Variants in NAALADL2 observed in about 807,000 individuals in gnomAD.
The protein encoded by NAALADL2 is inactive N-acetylated-alpha-linked acidic dipeptidase-like protein 2.
NAALADL2 carries 76 observed loss-of-function variants against 87.2 expected under a neutral mutation model. That is an observed-to-expected ratio of 0.87 (90% confidence interval 0.72 to 1.05). The LOEUF (loss-of-function observed/expected upper bound fraction) is 1.05, where lower values mean the gene tolerates loss of function less well. Ranked by LOEUF, NAALADL2 falls within the 50% of genes least tolerant of loss-of-function variation. The pLI, the probability that NAALADL2 is intolerant of heterozygous loss-of-function variation, is 0.00. For missense variants in NAALADL2, 1,089 were observed against 945.8 expected, an observed-to-expected ratio of 1.15 and a Z score of -1.99; for synonymous variants, 354 against 331.0, an observed-to-expected ratio of 1.07 and a Z score of -0.75.
chr3:174,869,469 T>A (rs1727536026), intron 1 of NAALADL2, among the ~76,000 whole-genome samples: 1 of 152,166 alleles, frequency 6.6e-6, no homozygotes, highest in Admixed American at 6.5e-5. Flanking sequence ...AGAGTAACTT[T>A]AAAGAGCAGA....
At chr3:175,274,050 C>T (rs1753235786) in intron 4 of NAALADL2, among the ~76,000 whole-genome samples, 4 of 152,156 alleles carry the variant, frequency 2.6e-5, no homozygotes, top group Middle Eastern at 3.4e-3. Flanking sequence ...AATCTGTTCT[C>T]ATACTGCTAA....
intron 2 of NAALADL2, among the ~76,000 whole-genome samples, chr3:174,593,772 C>G (rs907387640): frequency 1.3e-5 from 2 of 152,080 alleles, no homozygotes; most frequent in African/African-American, 2.4e-5. Context: ...TCACCTGACA[C>G]TTACTTTTCT....
At chr3:175,656,721 A>ATGTGTG (rs373183644) in intron 11 of NAALADL2, among the ~76,000 whole-genome samples, 4 of 148,546 alleles carry the variant, frequency 2.7e-5, no homozygotes, top group East Asian at 2.0e-4. Context: ...GTGTGTGTGT[A>ATGTGTG]TGTGTGTGTG....
intron 1 of NAALADL2, among the ~76,000 whole-genome samples, chr3:174,902,379 C>T (rs1732421486): frequency 6.6e-6 from 1 of 151,942 alleles, no homozygotes; most frequent in Admixed American, 6.6e-5. Context: ...CAGATTCTGG[C>T]TCATTGTAAA....
chr3:175,592,908 A>C (rs1257352332), intron 10 of NAALADL2, among the ~76,000 whole-genome samples: 1 of 152,134 alleles, frequency 6.6e-6, no homozygotes, highest in East Asian at 1.9e-4. Flanking sequence ...AATAAAAAAA[A>C]GAAAAAAAAG....
At chr3:174,498,619 T>G (rs983475295) in intron 1 of NAALADL2, among the ~76,000 whole-genome samples, 1 of 150,016 alleles carries the variant, frequency 6.7e-6, no homozygotes, top group East Asian at 1.9e-4. Flanking sequence ...ATAAACTATA[T>G]ATAAACATAT....
At chr3:175,262,653 G>A (rs75223863) in intron 4 of NAALADL2, among the ~76,000 whole-genome samples, 5,166 of 151,028 alleles carry the variant, frequency 0.034, 113 homozygotes, top group African/African-American at 0.065. Flanking sequence ...ATGTAATGAG[G>A]CAGTGGGGCC....
At chr3:174,606,952 A>G (rs1010885506) in intron 2 of NAALADL2, among the ~76,000 whole-genome samples, 25 of 152,208 alleles carry the variant, frequency 1.6e-4, no homozygotes, top group African/African-American at 5.8e-4. Flanking sequence ...AGCCCATCAG[A>G]CTAACAGCGG....
chr3:174,459,647 T>C (rs559576285), intron 1 of NAALADL2: 2 of 152,294 alleles, frequency 1.3e-5, no homozygotes, highest in South Asian at 4.1e-4. Context: ...TAAAGCACTT[T>C]AGGATCCTTA....
In NAALADL2 at chr3:175,302,556, C is replaced by T. The variant is rs577138148; in HGVS notation, c.940-21619C>T. Among the ~76,000 whole-genome samples, 10 of 152,080 alleles carry T rather than the reference C, an allele frequency of 6.6e-5. No homozygotes were observed. The South Asian group carries it at 1.9e-3, about 28-fold the overall frequency. ...CCACATATAGGCTAAATTGATAGAA[C>T]AGACATTCTGGAAAGGTAAAGATAG... On this transcript the variant is annotated intron_variant, in intron 4 of 13. Transcript: ENST00000454872.
intron 11 of NAALADL2, among the ~76,000 whole-genome samples, chr3:175,661,875 A>G (rs1337470384): frequency 6.6e-6 from 1 of 151,752 alleles, no homozygotes; most frequent in Non-Finnish European, 1.5e-5. Context: ...GCCAGTACCA[A>G]CTTGTTTTAG....
At chr3:174,555,327 C>G (rs748821420) in intron 2 of NAALADL2, among the ~76,000 whole-genome samples, 1 of 152,090 alleles carries the variant, frequency 6.6e-6, no homozygotes, top group Non-Finnish European at 1.5e-5. Flanking sequence ...TTGAGAGAGT[C>G]TCACTCTTGT....
chr3:175,746,268 G>A (rs532041533), intron 12 of NAALADL2, among the ~76,000 whole-genome samples: 8 of 147,918 alleles, frequency 5.4e-5, no homozygotes, highest in South Asian at 4.3e-4. Flanking sequence ...CAAGCATTCC[G>A]TGTCCTGTTA....
chr3:175,466,466 AT>A (rs1388803532), intron 7 of NAALADL2, among the ~76,000 whole-genome samples: 2 of 151,954 alleles, frequency 1.3e-5, no homozygotes, highest in Non-Finnish European at 1.5e-5. Context: ...GGTGAATTTT[AT>A]TTTTTTTCTT....
intron 13 of NAALADL2, among the ~76,000 whole-genome samples, chr3:175,791,190 CTA>C (rs1228360852): frequency 6.6e-6 from 1 of 152,144 alleles, no homozygotes; most frequent in African/African-American, 2.4e-5. Flanking sequence ...GGGCAGCAAA[CTA>C]GAGGATAATT....
chr3:175,042,899 G>T (rs905815365), intron 1 of NAALADL2, among the ~76,000 whole-genome samples: 8 of 152,018 alleles, frequency 5.3e-5, no homozygotes, highest in African/African-American at 1.4e-4. Flanking sequence ...GAGTTAGTGA[G>T]TGCTCACTCT....
intron 9 of NAALADL2, among the ~76,000 whole-genome samples, chr3:175,544,372 C>T (rs1034799746): frequency 6.6e-6 from 1 of 152,054 alleles, no homozygotes; most frequent in Non-Finnish European, 1.5e-5. Flanking sequence ...CAAGAATTTT[C>T]TGGAACAAAT....
At chr3:175,258,266 C>G (rs1369325301) in intron 4 of NAALADL2, among the ~76,000 whole-genome samples, 1 of 150,432 alleles carries the variant, frequency 6.6e-6, no homozygotes, top group Non-Finnish European at 1.5e-5. Context: ...CGAGATCACG[C>G]CACTGCACTC....
chr3:174,489,455 A>G (rs1160493294), intron 1 of NAALADL2, among the ~76,000 whole-genome samples: 2 of 152,100 alleles, frequency 1.3e-5, no homozygotes, highest in Admixed American at 1.3e-4. Context: ...TATGACATCA[A>G]TAGCACAAAC....
Sources: gnomAD v4.1 joint callset for allele counts (sites outside exome capture counted in the v4.1 genomes callset) on GRCh38, gnomAD v4.1.1 for gene constraint, MANE v1.5 for transcripts, NCBI Gene and HGNC (gene_info 2026-07-23, HGNC 2026-07-21) for gene names.